FCGR1A: variants seen among roughly 807,000 people sequenced by gnomAD.
FCGR1A encodes the protein high affinity immunoglobulin gamma Fc receptor I.
Under a neutral mutation model 35.0 loss-of-function variants are expected in FCGR1A, and 13 were observed. The observed-to-expected ratio is 0.37, with a 90% confidence interval of 0.24 to 0.59. The LOEUF (loss-of-function observed/expected upper bound fraction) is 0.59, where lower values mean the gene tolerates loss of function less well. Among genes scored for constraint, FCGR1A ranks in the 20% least tolerant of loss-of-function variants. The pLI, the probability that FCGR1A is intolerant of heterozygous loss-of-function variation, is 0.71. For synonymous variants in FCGR1A, 91 were observed against 164.7 expected (o/e 0.55, Z 3.43); for missense variants, 227 against 430.0 (o/e 0.53, Z 4.17).
At chr1:149,793,150 A>G (rs775391035), downstream of FCGR1A, 4 of 1,276,326 alleles carry the variant, frequency 3.1e-6, no homozygotes, top group Non-Finnish European at 3.0e-6. Context: ...CGCGGAGAGG[A>G]GGATTGGTAG....
At chr1:149,789,415 AATAATG>A (rs1330462572) in intron 4 of FCGR1A, among the ~76,000 whole-genome samples, 4 of 150,130 alleles carry the variant, frequency 2.7e-5, no homozygotes, top group African/African-American at 1.0e-4. Flanking sequence ...TAATAATAAT[AATAATG>A]ATGATAATAA....
the FCGR1A span, among the ~76,000 whole-genome samples, chr1:149,799,877 G>A: frequency 1.1e-4 from 16 of 152,284 alleles, no homozygotes; most frequent in African/African-American, 2.2e-4. Flanking sequence ...GACTGACGGC[G>A]GAGGGGGGTT....
chr1:149,784,503 A>T (rs587628756), intron 3 of FCGR1A, among the ~76,000 whole-genome samples: 1 of 152,226 alleles, frequency 6.6e-6, no homozygotes, highest in Non-Finnish European at 1.5e-5. Flanking sequence ...AGGCCCTAAG[A>T]TTGTATCATT....
At chr1:149,790,731 T>A (rs1413552718) in intron 5 of FCGR1A, among the ~76,000 whole-genome samples, 5 of 149,226 alleles carry the variant, frequency 3.4e-5, no homozygotes, top group African/African-American at 1.2e-4. Flanking sequence ...CAACAATTTA[T>A]CAAGTTCTTC....
At chr1:149,792,573 C>T (rs1300426400), downstream of FCGR1A, 3 of 1,187,452 alleles carry the variant, frequency 2.5e-6, no homozygotes, top group East Asian at 1.9e-4. Flanking sequence ...TGGGATGGGG[C>T]GTCGCGCTCC....
At chr1:149,788,041 T>C (rs1461228223) in intron 3 of FCGR1A, 2 of 370,808 alleles carry the variant, frequency 5.4e-6, no homozygotes, top group East Asian at 1.3e-4. Flanking sequence ...CCACCCACAC[T>C]CAAGGGGATT....
At chr1:149,784,879 A>G (rs1553750651) in intron 3 of FCGR1A, among the ~76,000 whole-genome samples, 1 of 151,856 alleles carries the variant, frequency 6.6e-6, no homozygotes, top group Non-Finnish European at 1.5e-5. Flanking sequence ...AATTAATTTA[A>G]CCATTCTGCC....
intron 3 of FCGR1A, chr1:149,786,707 T>C (rs587618152): frequency 6.6e-6 from 1 of 152,334 alleles, no homozygotes; most frequent in East Asian, 1.9e-4. Context: ...TCTCGTGAGT[T>C]TTGATATATA....
chr1:149,796,129 G>A (rs587677564), downstream of FCGR1A, among the ~76,000 whole-genome samples: 1 of 149,938 alleles, frequency 6.7e-6, no homozygotes, highest in African/African-American at 2.5e-5. Flanking sequence ...TTTTCTAAAT[G>A]TGGGGTCAAA....
chr1:149,792,989 C>G (rs868989871), downstream of FCGR1A: 8 of 1,273,844 alleles, frequency 6.3e-6, no homozygotes, highest in Non-Finnish European at 8.1e-6. Flanking sequence ...CGCGGCCTCC[C>G]CAGGCGCGTA....
At chr1:149,799,753 A>T in the FCGR1A span, among the ~76,000 whole-genome samples, 3 of 152,104 alleles carry the variant, frequency 2.0e-5, no homozygotes, top group South Asian at 6.2e-4. Flanking sequence ...CTCTGCATGC[A>T]TCTTTTTATA....
At chr1:149,797,244 AT>A in the FCGR1A span, among the ~76,000 whole-genome samples, 4 of 151,652 alleles carry the variant, frequency 2.6e-5, no homozygotes, top group Admixed American at 2.0e-4. Context: ...TGTATATCTG[AT>A]TTTTTTTCTG....
chr1:149,795,251 A>AAAATAAAT (rs59487657), downstream of FCGR1A, among the ~76,000 whole-genome samples: 617 of 108,686 alleles, frequency 5.7e-3, 25 homozygotes, highest in East Asian at 0.017. Flanking sequence ...CCCTGTCTCA[A>AAAATAAAT]AAATAAATAA....
chr1:149,791,764 G>A (rs2091719761), downstream of FCGR1A: 1 of 548,312 alleles, frequency 1.8e-6, no homozygotes, highest in Non-Finnish European at 3.2e-6. Context: ...AGCCTAGCCT[G>A]ATAATCCTAT....
intron 3 of FCGR1A, chr1:149,787,232 A>G: frequency 6.6e-6 from 1 of 152,246 alleles, no homozygotes; most frequent in Non-Finnish European, 1.5e-5. Context: ...TGCTATGTAT[A>G]GCATAGAAAC....
the FCGR1A span, among the ~76,000 whole-genome samples, chr1:149,799,493 T>G: frequency 6.6e-6 from 1 of 151,908 alleles, no homozygotes; most frequent in Non-Finnish European, 1.5e-5. Context: ...CTCCTTTTAT[T>G]CCTTTATTTT....
At chr1:149,798,679 A>G in the FCGR1A span, among the ~76,000 whole-genome samples, 3 of 151,652 alleles carry the variant, frequency 2.0e-5, no homozygotes, top group South Asian at 4.1e-4. Flanking sequence ...AGGTGCAATC[A>G]TAGCTCACTG....
intron 5 of FCGR1A, among the ~76,000 whole-genome samples, chr1:149,790,577 CTTCA>C (rs1180955401): frequency 1.3e-5 from 2 of 148,834 alleles, no homozygotes; most frequent in African/African-American, 5.0e-5. Flanking sequence ...CATTTCTTTC[CTTCA>C]TTTTCTCCTC....
downstream of FCGR1A, among the ~76,000 whole-genome samples, chr1:149,793,530 G>A (rs1477910714): frequency 5.9e-5 from 9 of 152,092 alleles, no homozygotes; most frequent in Non-Finnish European, 1.3e-4. Flanking sequence ...CAGCTGGCGG[G>A]GAGAAAGGTG....
Sources: allele counts gnomAD v4.1 joint callset (sites outside exome capture counted in the v4.1 genomes callset), GRCh38; gene constraint gnomAD v4.1.1; transcripts MANE v1.5; gene names NCBI Gene and HGNC (gene_info 2026-07-23, HGNC 2026-07-21).